COLEC10: variants seen among roughly 807,000 people sequenced by gnomAD.
COLEC10 encodes collectin-10.
In COLEC10, 22 loss-of-function variants were observed where a neutral mutation model predicts 28.4. The observed-to-expected ratio is 0.78, with a 90% CI of 0.55 to 1.11. The LOEUF (loss-of-function observed/expected upper bound fraction) is 1.11, where lower values mean the gene tolerates loss of function less well. Ranked by LOEUF, COLEC10 falls within the 50% of genes least tolerant of loss-of-function variation. The pLI, the probability that COLEC10 is intolerant of heterozygous loss-of-function variation, is 0.00. For synonymous variants in COLEC10, 125 were observed against 116.1 expected (o/e 1.08, Z -0.49); for missense variants, 361 against 344.1 (o/e 1.05, Z -0.39).
the COLEC10 span, among the ~76,000 whole-genome samples, chr8:118,963,027 A>G: frequency 6.6e-6 from 1 of 152,158 alleles, no homozygotes; most frequent in Non-Finnish European, 1.5e-5. Flanking sequence ...ACAAGTTGAA[A>G]CTGAGGGTGT....
intron 1 of COLEC10, among the ~76,000 whole-genome samples, chr8:119,081,432 T>A (rs148192744): frequency 5.3e-5 from 8 of 152,348 alleles, no homozygotes; most frequent in African/African-American, 1.9e-4. Context: ...TTTTTATGCC[T>A]TAGTGTTTTT....
chr8:119,032,114 T>C (rs1001096868), intron 2 of COLEC10, among the ~76,000 whole-genome samples: 1 of 152,204 alleles, frequency 6.6e-6, no homozygotes, highest in Non-Finnish European at 1.5e-5. Flanking sequence ...GGTCATCTTA[T>C]TTTGTGCAAA....
chr8:119,034,042 C>A (rs1456863717), intron 2 of COLEC10, among the ~76,000 whole-genome samples: 1 of 152,200 alleles, frequency 6.6e-6, no homozygotes, highest in Non-Finnish European at 1.5e-5. Flanking sequence ...CACATGTACA[C>A]AATGGTATAC....
chr8:119,043,120 C>T (rs1208411783), intron 2 of COLEC10, among the ~76,000 whole-genome samples: 2 of 152,152 alleles, frequency 1.3e-5, no homozygotes, highest in Admixed American at 1.3e-4. Context: ...GCAGATAAGG[C>T]ATATCATTTA....
At chr8:119,032,364 A>C (rs540993134) in intron 2 of COLEC10, among the ~76,000 whole-genome samples, 2 of 152,012 alleles carry the variant, frequency 1.3e-5, no homozygotes, top group South Asian at 4.2e-4. Context: ...TCTGAGTGCA[A>C]AGGGATATGG....
At chr8:118,978,889 A>G in the COLEC10 span, among the ~76,000 whole-genome samples, 1 of 152,060 alleles carries the variant, frequency 6.6e-6, no homozygotes. Context: ...TCACTTAGGC[A>G]TTTTTAAAAC....
the COLEC10 span, among the ~76,000 whole-genome samples, chr8:118,975,585 G>A: frequency 0.017 from 2,562 of 152,118 alleles, 67 homozygotes; most frequent in African/African-American, 0.059. Context: ...CTTTAGGCAT[G>A]GACAGATCCT....
chr8:118,980,485 C>G, the COLEC10 span, among the ~76,000 whole-genome samples: 10,285 of 151,984 alleles, frequency 0.068, 612 homozygotes, highest in East Asian at 0.17. Context: ...GAACCAACAT[C>G]CCCAACCCCA....
chr8:118,993,443 C>T (rs575000172), upstream of COLEC10, among the ~76,000 whole-genome samples: 22 of 152,298 alleles, frequency 1.4e-4, no homozygotes, highest in Admixed American at 2.0e-4. Context: ...CAATGTCCAC[C>T]TCCCAGGTTC....
At chr8:119,017,019 T>A (rs1198473997) in intron 2 of COLEC10, among the ~76,000 whole-genome samples, 1 of 152,134 alleles carries the variant, frequency 6.6e-6, no homozygotes, top group Non-Finnish European at 1.5e-5. Context: ...GGCTGTTTCC[T>A]GATTTTTTAA....
intron 3 of COLEC10, among the ~76,000 whole-genome samples, chr8:119,095,530 C>T (rs1015091247): frequency 6.6e-6 from 1 of 151,986 alleles, no homozygotes; most frequent in Non-Finnish European, 1.5e-5. Context: ...GATGAAACCC[C>T]GTCTCTACTA....
intron 2 of COLEC10, among the ~76,000 whole-genome samples, chr8:119,038,279 T>A (rs2130145909): frequency 6.6e-6 from 1 of 152,328 alleles, no homozygotes; most frequent in South Asian, 2.1e-4. Context: ...TGTAATGGGA[T>A]TATATACACA....
chr8:118,986,243 T>C, the COLEC10 span, among the ~76,000 whole-genome samples: 5 of 152,228 alleles, frequency 3.3e-5, no homozygotes, highest in Admixed American at 2.0e-4. Context: ...ATATTATATC[T>C]ATAGAAAAGA....
intron 2 of COLEC10, among the ~76,000 whole-genome samples, chr8:119,021,298 A>G (rs1215275409): frequency 6.6e-6 from 1 of 152,210 alleles, no homozygotes; most frequent in Admixed American, 6.5e-5. Flanking sequence ...TTATGCTAAC[A>G]TGACTTAAAC....
intron 1 of COLEC10, among the ~76,000 whole-genome samples, chr8:119,087,869 CAT>C (rs1458909085): frequency 2.6e-5 from 4 of 152,140 alleles, no homozygotes; most frequent in Admixed American, 6.5e-5. Context: ...AACTTAACCA[CAT>C]AGTCTCATTT....
chr8:118,992,271 A>T (rs1175496302), upstream of COLEC10, among the ~76,000 whole-genome samples: 1 of 152,160 alleles, frequency 6.6e-6, no homozygotes, highest in African/African-American at 2.4e-5. Context: ...TAAAAATTTT[A>T]ACCTGTCAGT....
intron 2 of COLEC10, among the ~76,000 whole-genome samples, chr8:119,038,464 C>T (rs1265696803): frequency 6.6e-6 from 1 of 152,272 alleles, no homozygotes; most frequent in Non-Finnish European, 1.5e-5. Flanking sequence ...TGTGAACAAA[C>T]AGTCTTCTTT....
At chr8:119,078,990 T>TACAC (rs59453751) in intron 1 of COLEC10, among the ~76,000 whole-genome samples, 2,096 of 143,010 alleles carry the variant, frequency 0.015, 20 homozygotes, top group Non-Finnish European at 0.022. Context: ...TGGGAAAACG[T>TACAC]ACACACACAC....
At chr8:119,065,862 AAAAAAG>A (rs1481588607), upstream of COLEC10, among the ~76,000 whole-genome samples, 2 of 151,782 alleles carry the variant, frequency 1.3e-5, no homozygotes, top group African/African-American at 4.8e-5. Flanking sequence ...TCTCAAAAAA[AAAAAAG>A]AAAAAAGAAA....
Sources: allele counts gnomAD v4.1 joint callset (sites outside exome capture counted in the v4.1 genomes callset), GRCh38; gene constraint gnomAD v4.1.1; transcripts MANE v1.5; gene names NCBI Gene and HGNC (gene_info 2026-07-23, HGNC 2026-07-21).